LIN7A: variants seen among roughly 807,000 people sequenced by gnomAD.
The protein encoded by LIN7A is protein lin-7 homolog A.
Under a neutral mutation model 29.8 loss-of-function variants are expected in LIN7A, and 25 were observed. The ratio of observed to expected loss-of-function variants is 0.84; its 90% CI spans 0.61 to 1.17. LIN7A has a LOEUF of 1.17. Among genes scored for constraint, LIN7A ranks in the 50% most tolerant of loss-of-function variants. The pLI, the probability that LIN7A is intolerant of heterozygous loss-of-function variation, is 0.00. For synonymous variants in LIN7A, 118 were observed against 107.5 expected, an observed-to-expected ratio of 1.10 and a Z score of -0.60; for missense variants, 239 against 287.0, an observed-to-expected ratio of 0.83 and a Z score of 1.21.
intron 5 of LIN7A, among the ~76,000 whole-genome samples, chr12:80,807,068 T>TTTTTGTTTTTTTTTTG (rs1555221338): frequency 1.2e-5 from 1 of 84,996 alleles, no homozygotes; most frequent in Non-Finnish European, 2.2e-5. Flanking sequence ...ATGGAGTTTT[T>TTTTTGTTTTTTTTTTG]TTTTTTTTTT....
chr12:80,842,249 T>A, intron 4 of LIN7A: 1 of 548,006 alleles, frequency 1.8e-6, no homozygotes, highest in South Asian at 2.5e-5. Context: ...TCTGTGTGTG[T>A]ATATATATAT....
intron 2 of LIN7A, among the ~76,000 whole-genome samples, chr12:80,882,798 T>G (rs1447886303): frequency 6.6e-6 from 1 of 152,198 alleles, no homozygotes. Flanking sequence ...TCAAGGTATG[T>G]AATCTGCTAT....
intron 4 of LIN7A, among the ~76,000 whole-genome samples, chr12:80,844,651 A>G (rs575209329): frequency 6.6e-6 from 1 of 152,174 alleles, no homozygotes; most frequent in Non-Finnish European, 1.5e-5. Flanking sequence ...TCTGAAATGT[A>G]TGCTTTTAGG....
At chr12:80,815,095 A>T (rs1307466015) in intron 4 of LIN7A, among the ~76,000 whole-genome samples, 1 of 152,158 alleles carries the variant, frequency 6.6e-6, no homozygotes, top group Non-Finnish European at 1.5e-5. Flanking sequence ...TCAGAAGCAT[A>T]TCTTGTCTTA....
At chr12:80,860,559 C>T (rs910911244) in intron 2 of LIN7A, among the ~76,000 whole-genome samples, 6 of 152,180 alleles carry the variant, frequency 3.9e-5, no homozygotes, top group African/African-American at 1.4e-4. Flanking sequence ...GTCTTTACAG[C>T]CCTCAAGAGT....
intron 4 of LIN7A, among the ~76,000 whole-genome samples, chr12:80,824,122 A>G (rs2132230): frequency 0.86 from 130,186 of 152,126 alleles, 56,058 homozygotes; most frequent in African/African-American, 0.94. Flanking sequence ...TAGTCAATTA[A>G]TGAGATTAAC....
chr12:80,874,036 G>A (rs1219067212), intron 2 of LIN7A, among the ~76,000 whole-genome samples: 1 of 151,978 alleles, frequency 6.6e-6, no homozygotes, highest in Non-Finnish European at 1.5e-5. Context: ...CGTCTGAGAT[G>A]TCCTACTGTT....
At chr12:80,908,043 C>A (rs1489795848) in intron 1 of LIN7A, among the ~76,000 whole-genome samples, 1 of 152,028 alleles carries the variant, frequency 6.6e-6, no homozygotes, top group African/African-American at 2.4e-5. Flanking sequence ...AAAAGTTGAG[C>A]ATTTCTAAGT....
chr12:80,882,287 C>CTTTTTTTTTTTTTTTTTTTTTTT lies in LIN7A; in HGVS notation c.201+6963_201+6964insAAAAAAAAAAAAAAAAAAAAAAA, dbSNP rs56000415. On this transcript the variant is annotated intron_variant, in intron 2 of 5. Coordinates refer to ENST00000552864, the MANE Select transcript of LIN7A (RefSeq NM_004664.4). ...ACAGTACTATCATTTTTCTTTCATT[C>CTTTTTTTTTTTTTTTTTTTTTTT]TTTTTTTTTTTTTTTGAGACGGAGT... Among the ~76,000 whole-genome samples the CTTTTTTTTTTTTTTTTTTTTTTT allele has an allele frequency of 2.1e-4, 18 of 87,694 alleles. 3 individuals carry two copies. The highest frequency in any genetic ancestry group is 2.7e-4 in the African/African-American group (9 of 32,952). The allele number at this position is 87,694 out of a possible 152,430, so 57.5% of individuals were successfully genotyped here.
intron 4 of LIN7A, chr12:80,842,050 C>A: frequency 7.8e-7 from 1 of 1,285,398 alleles, no homozygotes; most frequent in South Asian, 1.2e-5. Context: ...TCTCTTGGTG[C>A]CTAGGGATAG....
chr12:80,842,192 C>A, intron 4 of LIN7A: 1 of 1,166,074 alleles, frequency 8.6e-7, no homozygotes, highest in South Asian at 1.4e-5. Flanking sequence ...TATTGATTTC[C>A]CCCCCTTTCC....
chr12:80,823,232 A>G (rs1871897452), intron 4 of LIN7A, among the ~76,000 whole-genome samples: 1 of 152,232 alleles, frequency 6.6e-6, no homozygotes, highest in African/African-American at 2.4e-5. Context: ...ACAGGGCTCA[A>G]ACATGCCCCT....
intron 2 of LIN7A, among the ~76,000 whole-genome samples, chr12:80,870,948 G>A (rs115393233): frequency 2.0e-4 from 30 of 152,252 alleles, no homozygotes; most frequent in African/African-American, 7.0e-4. Context: ...AAGATGCTAA[G>A]GAATTATTTG....
At chr12:80,936,576 G>A (rs937919766) in intron 1 of LIN7A, 2 of 152,194 alleles carry the variant, frequency 1.3e-5, no homozygotes, top group African/African-American at 4.8e-5. Context: ...TGCGGAGAGG[G>A]ACTAGAGGGT....
chr12:80,929,599 T>C (rs1245463744), intron 1 of LIN7A, among the ~76,000 whole-genome samples: 1 of 152,180 alleles, frequency 6.6e-6, no homozygotes, highest in Non-Finnish European at 1.5e-5. Context: ...CATGAATATA[T>C]AATGAGACTA....
chr12:80,866,356 A>G (rs1265865279), intron 2 of LIN7A, among the ~76,000 whole-genome samples: 4 of 152,222 alleles, frequency 2.6e-5, no homozygotes, highest in Non-Finnish European at 5.9e-5. Context: ...TTTGAAAACT[A>G]TGAAAGCATT....
chr12:80,821,335 C>A (rs548681619), intron 4 of LIN7A, among the ~76,000 whole-genome samples: 1 of 152,142 alleles, frequency 6.6e-6, no homozygotes, highest in Non-Finnish European at 1.5e-5. Flanking sequence ...GATAATAAGT[C>A]ACCCAAGACA....
intron 2 of LIN7A, among the ~76,000 whole-genome samples, chr12:80,876,100 G>A (rs977621938): frequency 8.4e-6 from 1 of 118,848 alleles, no homozygotes; most frequent in African/African-American, 2.7e-5. Context: ...GAAAGAGAGA[G>A]ACAGACAGAG....
chr12:80,848,138 G>A (rs1334913331), intron 3 of LIN7A, 113 bp downstream of exon 3: 1 of 795,444 alleles, frequency 1.3e-6, no homozygotes, highest in South Asian at 1.4e-5. Flanking sequence ...GGCTGCCACT[G>A]ATGTCTAAAT....
Sources: gnomAD v4.1 joint callset for allele counts (sites outside exome capture counted in the v4.1 genomes callset) on GRCh38, gnomAD v4.1.1 for gene constraint, MANE v1.5 for transcripts, NCBI Gene and HGNC (gene_info 2026-07-23, HGNC 2026-07-21) for gene names.